The following SGCZ variants were observed in gnomAD, a reference collection of about 807,000 sequenced individuals.
The protein encoded by SGCZ is sarcoglycan zeta.
In SGCZ, 40 loss-of-function variants were observed where a neutral mutation model predicts 41.3. That is an observed-to-expected ratio of 0.97 (90% CI 0.75 to 1.26). The LOEUF is 1.26. Among genes scored for constraint, SGCZ ranks in the 50% most tolerant of loss-of-function variants. The pLI is 0.00. For missense variants in SGCZ, 552 were observed against 369.8 expected, an observed-to-expected ratio of 1.49 and a Z score of -4.04; for synonymous variants, 206 against 137.5, an observed-to-expected ratio of 1.50 and a Z score of -3.49.
At chr8:14,321,702 C>T (rs1801923721) in intron 3 of SGCZ, among the ~76,000 whole-genome samples, 1 of 152,090 alleles carries the variant, frequency 6.6e-6, no homozygotes, top group South Asian at 2.1e-4. Context: ...TTCACTGAAT[C>T]TTCCAAAGTG....
intron 1 of SGCZ, among the ~76,000 whole-genome samples, chr8:14,860,730 G>GAAAGAAAGAA (rs1803715758): frequency 1.5e-5 from 2 of 136,114 alleles, no homozygotes; most frequent in African/African-American, 5.3e-5. Context: ...AAGAAAGAAA[G>GAAAGAAAGAA]AAAGAAAGTA....
rs546819123 is a variant in SGCZ at position 14,227,417 on chromosome 8, T to A, written c.424+10175A>T. Among the ~76,000 whole-genome samples the A allele has an allele frequency of 1.4e-4, 21 of 152,182 alleles. No individual in the cohort carries two copies. In the South Asian group the frequency reaches 3.9e-3, roughly 29 times the overall value. On this transcript the variant is annotated intron_variant, in intron 4 of 7. Transcript: ENST00000382080. ...CATGTTGAAAACAAAACAGCTAATATGTGACCTCAGAATCAAAATAAGCCA... is the reference window on the plus strand; with the variant it reads ...CATGTTGAAAACAAAACAGCTAATAAGTGACCTCAGAATCAAAATAAGCCA...
chr8:14,533,168 C>CGGTGTGTTG (rs1563391646), intron 2 of SGCZ, among the ~76,000 whole-genome samples: 1 of 151,828 alleles, frequency 6.6e-6, no homozygotes, highest in Admixed American at 6.6e-5. Context: ...CAACAGGCCC[C>CGGTGTGTTG]GGTGTGTTGT....
chr8:14,194,913 A>T (rs916460084), intron 4 of SGCZ, among the ~76,000 whole-genome samples: 3 of 152,090 alleles, frequency 2.0e-5, no homozygotes, highest in African/African-American at 7.2e-5. Context: ...TACACCTAGC[A>T]ATGCTATGAT....
intron 3 of SGCZ, among the ~76,000 whole-genome samples, chr8:14,251,990 G>A (rs55783571): frequency 0.4 from 60,046 of 151,926 alleles, 12,413 homozygotes; most frequent in East Asian, 0.64. Flanking sequence ...GATTACAGGC[G>A]TGAGCCACCG....
At chr8:14,509,973 T>A (rs1193764420) in intron 2 of SGCZ, among the ~76,000 whole-genome samples, 1 of 152,058 alleles carries the variant, frequency 6.6e-6, no homozygotes, top group South Asian at 2.1e-4. Context: ...GTGAGGACTA[T>A]GGGTCCCTAC....
chr8:14,146,211 C>T (rs2116936696), intron 5 of SGCZ, among the ~76,000 whole-genome samples: 1 of 152,130 alleles, frequency 6.6e-6, no homozygotes, highest in East Asian at 1.9e-4. Flanking sequence ...AGAAAATAAA[C>T]AAAAAGAGCT....
At chr8:14,960,755 T>C (rs1339409736) in intron 1 of SGCZ, among the ~76,000 whole-genome samples, 2 of 152,200 alleles carry the variant, frequency 1.3e-5, no homozygotes, top group East Asian at 1.9e-4. Flanking sequence ...TTTATTCATA[T>C]ACCATCAAAG....
intron 1 of SGCZ, among the ~76,000 whole-genome samples, chr8:14,867,917 TAA>T (rs199588948): frequency 1.4e-4 from 19 of 132,764 alleles, no homozygotes; most frequent in Admixed American, 2.3e-4. Flanking sequence ...ACTTAAAAGT[TAA>T]AAAAAAAAAA....
chr8:14,345,219 C>T (rs1039582615), intron 2 of SGCZ, among the ~76,000 whole-genome samples: 1 of 151,968 alleles, frequency 6.6e-6, no homozygotes, highest in Non-Finnish European at 1.5e-5. Flanking sequence ...CCAATTAAAC[C>T]ACAAGTTTTC....
In SGCZ at chr8:14,868,272, C is replaced by A. The variant is rs955927519; in HGVS notation, c.40-313346G>T. On this transcript the variant is annotated intron_variant, in intron 1 of 7. Transcript: ENST00000382080. ...CTCGGTGACCTCCCTCCTTGGTAAG[C>A]TCTGCTCAAATCTTGCATCTTCTGT... Among the ~76,000 whole-genome samples the A allele has an allele frequency of 2.6e-5, 4 of 152,256 alleles. No individual in the cohort carries two copies. The East Asian group carries it at 5.8e-4, about 22-fold the overall frequency.
At chr8:14,694,850 A>T (rs1346164539) in intron 1 of SGCZ, among the ~76,000 whole-genome samples, 1 of 152,192 alleles carries the variant, frequency 6.6e-6, no homozygotes, top group Non-Finnish European at 1.5e-5. Context: ...TTGTCTATAG[A>T]ACATTCAGTA....
chr8:14,623,930 A>G (rs1396394653), intron 1 of SGCZ, among the ~76,000 whole-genome samples: 1 of 152,156 alleles, frequency 6.6e-6, no homozygotes, highest in African/African-American at 2.4e-5. Flanking sequence ...GAAATAAACT[A>G]TTTTGTTAGG....
At chr8:14,773,194 T>C (rs1187182631) in intron 1 of SGCZ, among the ~76,000 whole-genome samples, 1 of 152,222 alleles carries the variant, frequency 6.6e-6, no homozygotes. Flanking sequence ...ATGAGCATTT[T>C]TTCATGTGTC....
At chr8:14,965,510 A>G (rs902270618) in intron 1 of SGCZ, among the ~76,000 whole-genome samples, 1 of 152,192 alleles carries the variant, frequency 6.6e-6, no homozygotes, top group African/African-American at 2.4e-5. Flanking sequence ...AATATTAAAC[A>G]AGAATAAGTG....
chr8:14,350,270 T>A (rs1326185266), intron 2 of SGCZ, among the ~76,000 whole-genome samples: 1 of 152,032 alleles, frequency 6.6e-6, no homozygotes, highest in African/African-American at 2.4e-5. Context: ...CTAAGTATGC[T>A]TTTTCAAGTC....
intron 1 of SGCZ, among the ~76,000 whole-genome samples, chr8:14,777,565 C>G (rs1263278398): frequency 6.6e-6 from 1 of 152,102 alleles, no homozygotes; most frequent in African/African-American, 2.4e-5. Flanking sequence ...TCTTTAATCT[C>G]ATATGTTTTG....
At chr8:14,796,553 T>C (rs1801138096) in intron 1 of SGCZ, among the ~76,000 whole-genome samples, 1 of 152,228 alleles carries the variant, frequency 6.6e-6, no homozygotes, top group Non-Finnish European at 1.5e-5. Flanking sequence ...AAATATTGTG[T>C]GTCTTATGAC....
chr8:14,649,983 C>G (rs1201105026), intron 1 of SGCZ, among the ~76,000 whole-genome samples: 1 of 151,994 alleles, frequency 6.6e-6, no homozygotes, highest in Non-Finnish European at 1.5e-5. Flanking sequence ...TGTCAGAGAT[C>G]AGAAGGAGTG....
Sources: allele counts gnomAD v4.1 joint callset (sites outside exome capture counted in the v4.1 genomes callset), GRCh38; gene constraint gnomAD v4.1.1; transcripts MANE v1.5; gene names NCBI Gene and HGNC (gene_info 2026-07-23, HGNC 2026-07-21).